The following ZNF418 variants were observed in gnomAD, a reference collection of about 807,000 sequenced individuals.
The protein encoded by ZNF418 is zinc finger protein 418.
A neutral mutation model predicts 32.0 loss-of-function variants in ZNF418; 32 were observed. The observed-to-expected ratio is 1.00, with a 90% CI of 0.75 to 1.34. The LOEUF (loss-of-function observed/expected upper bound fraction) is 1.34. ZNF418 is among the 40% of genes most tolerant of loss of function. The pLI is 0.00. For missense variants in ZNF418, 804 were observed against 812.5 expected, an observed-to-expected ratio of 0.99 and a Z score of 0.13; for synonymous variants, 276 against 270.7, an observed-to-expected ratio of 1.02 and a Z score of -0.19.
At chr19:57,930,877 A>G (rs1209446163) in intron 2 of ZNF418, among the ~76,000 whole-genome samples, 1 of 152,122 alleles carries the variant, frequency 6.6e-6, no homozygotes, top group Non-Finnish European at 1.5e-5. Flanking sequence ...TCCTGGGTTC[A>G]AGCAATTCTC....
chr19:57,923,509 CACATATAT>C lies in ZNF418; in HGVS notation c.*528-228_*528-221del, dbSNP rs1032658978. ...ATACATGTATATACATATATACACA[CACATATAT>C]ACATATATACATATATATACATACA... On this transcript the variant is annotated intron_variant, in intron 4 of 5. Transcript: ENST00000396147. Among the ~76,000 whole-genome samples the C allele has an allele frequency of 3.2e-3, 477 of 149,074 alleles. 5 individuals are homozygous for C. The East Asian group carries it at 0.044, about 14-fold the overall frequency.
chr19:57,923,533 T>TAC (rs1279596410), intron 4 of ZNF418, among the ~76,000 whole-genome samples: 256 of 135,800 alleles, frequency 1.9e-3, no homozygotes, highest in Middle Eastern at 3.8e-3. Context: ...TATACATATA[T>TAC]ATACATACAC....
rs555576994 is a variant in ZNF418 at position 57,925,354 on chromosome 19, G to A, written c.*527+269C>T. Among the ~76,000 whole-genome samples the A allele has an allele frequency of 1.1e-4, 17 of 152,126 alleles. No homozygotes were observed. The South Asian group carries it at 1.7e-3, about 15-fold the overall frequency. On this transcript the variant is annotated intron_variant, in intron 4 of 5. Coordinates refer to ENST00000396147, the MANE Select transcript of ZNF418 (RefSeq NM_133460.3). ...TGGGCACCTGTAGTCCCAGCTACTC[G>A]GGAGGCTGAGGCAGGAGAATGGCGT...
chr19:57,930,517 G>A lies in ZNF418; in HGVS notation c.44C>T (p.Ser15Phe), dbSNP rs2072442106. The A allele has an allele frequency of 6.2e-7, 1 of 1,614,066 alleles. No homozygotes were observed. The highest frequency in any genetic ancestry group is 1.3e-5 in the African/African-American group (1 of 75,006). The change falls in exon 3 of 6, where the codon TCC (serine) becomes TTC (phenylalanine). Residue 15 changes from serine (S) to phenylalanine (F), a missense_variant. By Grantham distance (155) the Ser-to-Phe change is radical. Coordinates refer to ENST00000396147, the MANE Select transcript of ZNF418 (RefSeq NM_133460.3). ...VAFEDVAVNF[S>F]QEEWSLLSEV... ...ACTAAGGAGACTCCACTCCTCCTGG[G>A]AAAAGTTCACAGCCACATCTTCAAA...
chr19:57,933,243 G>A (rs2072551971), intron 2 of ZNF418, among the ~76,000 whole-genome samples: 1 of 152,192 alleles, frequency 6.6e-6, no homozygotes, highest in South Asian at 2.1e-4. Context: ...AAACCTGGTG[G>A]TCATACCTGA....
At chr19:57,928,077 A>G in intron 3 of ZNF418, 30 bp from the exon 4 acceptor site, 2 of 1,510,920 alleles carry the variant, frequency 1.3e-6, no homozygotes, top group South Asian at 2.7e-5. Flanking sequence ...GATGAATTCA[A>G]GTTAACTCTG....
Position 57,933,684 on chromosome 19 carries a change from G to C in ZNF418, c.6+133C>G, listed in dbSNP as rs949748175. 7.7e-6 allele frequency: 9 copies of C among 1,166,730 alleles called. No individual in the cohort carries two copies. In the African/African-American group the frequency reaches 1.4e-4, roughly 18 times the overall value. The allele number at this position is 1,166,730 out of a possible 1,614,324, so 72.3% of individuals were successfully genotyped here. A position where few individuals can be genotyped will look rare whatever the true frequency, so the allele number is the denominator to read the frequency against. On this transcript the variant is annotated intron_variant, in intron 2 of 5. Coordinates refer to ENST00000396147, the MANE Select transcript of ZNF418 (RefSeq NM_133460.3). The stretch of plus-strand genomic sequence containing the variant: ...TGCAATGAGCCAAGATCGTGCCACT[G>C]CACTCCAGCCTGGGCGATAGAGCGA...
chr19:57,922,766 A>C, intron 5 of ZNF418, 137 bp from the exon 6 acceptor site: 1 of 390,240 alleles, frequency 2.6e-6, no homozygotes, highest in Non-Finnish European at 4.5e-6. Context: ...TGAGAGGCCA[A>C]GGTGGGAAGA....
intron 2 of ZNF418, chr19:57,932,436 A>G (rs2123040721): frequency 1.3e-6 from 2 of 1,535,400 alleles, no homozygotes; most frequent in Non-Finnish European, 1.7e-6. Context: ...TTACCACAGA[A>G]TTCTCATGGC....
intron 2 of ZNF418, among the ~76,000 whole-genome samples, chr19:57,931,958 T>C (rs1166456803): frequency 3.3e-5 from 5 of 152,228 alleles, no homozygotes; most frequent in Admixed American, 2.0e-4. Flanking sequence ...GGGGAAACAA[T>C]TGACACCTGA....
chr19:57,933,747 A>G (rs980353675), intron 2 of ZNF418, 70 bp downstream of exon 2: 4 of 1,596,892 alleles, frequency 2.5e-6, no homozygotes, highest in Admixed American at 1.7e-5. Flanking sequence ...TCTAGTTGCC[A>G]TTTTACAAAC....
intron 3 of ZNF418, among the ~76,000 whole-genome samples, chr19:57,929,107 G>A (rs1387365919): frequency 2.0e-5 from 3 of 152,186 alleles, no homozygotes; most frequent in East Asian, 1.9e-4. Flanking sequence ...AAATAAATGG[G>A]TGAGATGTGG....
Position 57,927,913 on chromosome 19 carries a change from T to C in ZNF418, c.268A>G (p.Ile90Val). The C allele has an allele frequency of 6.2e-7, 1 of 1,614,106 alleles. No homozygotes were observed. Among genetic ancestry groups the C allele is most frequent in the South Asian group, 1.1e-5 (1 of 91,076 alleles). Residue 90 changes from isoleucine (I) to valine (V), a missense_variant, in exon 4 of 6, where the codon ATC (isoleucine) becomes GTC (valine). By Grantham distance (29) the Ile-to-Val change is conservative (BLOSUM62 3). Transcript: ENST00000396147. The stretch of plus-strand genomic sequence containing the variant: ...GCCAAGTGCAAAATGTCTCCCAAGA[T>C]CGCGCCACACATTTCACAAGAGTGG... ...KAHSCEMCGA[I>V]LGDILHLADH... is the part of the protein sequence containing the mutation.
Position 57,927,185 on chromosome 19 carries a change from A to C in ZNF418, c.996T>G (p.His332Gln). Reference sequence around the variant, plus strand: ...GTCTTTCTCCAGTGTGAACTCGTTGATGTTTAATGAGAGTACCATTTTGAC... The same window carrying C: ...GTCTTTCTCCAGTGTGAACTCGTTGCTGTTTAATGAGAGTACCATTTTGAC... ...SFSQNGTLIK[H>Q]QRVHTGERPY... Residue 332 changes from histidine to glutamine, a missense_variant, in exon 4 of 6, where the codon CAT (histidine) becomes CAG (glutamine). This residue lies in a region of ZNF418 where 475 missense variants were observed against 458.6 expected (regional missense o/e 1.04). Coordinates refer to ENST00000396147, the MANE Select transcript of ZNF418 (RefSeq NM_133460.3). 6.2e-7 allele frequency: 1 copy of C among 1,614,106 alleles called. No homozygotes were observed. Among genetic ancestry groups the C allele is most frequent in the Non-Finnish European group, 8.5e-7 (1 of 1,180,026 alleles).
Position 57,925,961 on chromosome 19 carries a change from A to T in ZNF418, c.*189T>A. 1.7e-6 allele frequency: 1 copy of T among 580,436 alleles called. No individual in the cohort carries two copies. 36.0% of individuals were successfully genotyped at this position (580,436 alleles called of 1,614,324 possible). On this transcript the variant is annotated 3_prime_UTR_variant, in exon 4 of 6. Coordinates refer to ENST00000396147, the MANE Select transcript of ZNF418 (RefSeq NM_133460.3). ...TCTGTTATCCAATGACAGAAGGCAG[A>T]AGGCTTTCTCACATTCATCGCACTC...
intron 3 of ZNF418, among the ~76,000 whole-genome samples, chr19:57,928,635 G>C (rs560345880): frequency 1.3e-5 from 2 of 152,174 alleles, no homozygotes; most frequent in South Asian, 4.1e-4. Flanking sequence ...TATATAGAAG[G>C]CTATGTCCAG....
At position 57,923,173 on chromosome 19, in the gene ZNF418, T is replaced by G. The variant is rs1410296908; in HGVS notation, c.*625+19A>C. 1 of 151,684 alleles carries G rather than the reference T, an allele frequency of 6.6e-6. No homozygotes were observed. Among genetic ancestry groups the G allele is most frequent in the Non-Finnish European group, 1.5e-5 (1 of 67,990 alleles). 9.4% of individuals were successfully genotyped at this position (151,684 alleles called of 1,614,324 possible). A position where few individuals can be genotyped will look rare whatever the true frequency, so the allele number is the denominator to read the frequency against. ...AAAATTAACCGGGCATGGTGGTGCA[T>G]GCCTGTAATCCCACCTACCCGGGAG... On this transcript the variant is annotated intron_variant, in intron 5 of 5. Transcript: ENST00000396147.
Position 57,923,284 on chromosome 19 carries a change from G to A in ZNF418, c.*533C>T, listed in dbSNP as rs984232662. On this transcript the variant is annotated 3_prime_UTR_variant, in exon 5 of 6. Coordinates refer to ENST00000396147, the MANE Select transcript of ZNF418 (RefSeq NM_133460.3). ...CCACTCCAGCCTGGGCAGACAGACG[G>A]ACATTCTGTCTCAAAAACAAAAAAA... The A allele has an allele frequency of 2.6e-5, 4 of 151,832 alleles. No homozygotes were observed. Among genetic ancestry groups the A allele is most frequent in the African/African-American group, 9.7e-5 (4 of 41,316 alleles). The allele number at this position is 151,832 out of a possible 1,614,324, so 9.4% of individuals were successfully genotyped here.
intron 3 of ZNF418, among the ~76,000 whole-genome samples, chr19:57,929,687 T>C (rs1479936436): frequency 2.9e-5 from 2 of 68,652 alleles, no homozygotes; most frequent in East Asian, 7.8e-4. Context: ...ACAGAATTTC[T>C]TTTTTTTTTT....
Sources: allele counts gnomAD v4.1 joint callset (sites outside exome capture counted in the v4.1 genomes callset), GRCh38; gene constraint gnomAD v4.1.1; regional missense constraint gnomAD v4.1.1; transcripts MANE v1.5; gene names NCBI Gene and HGNC (gene_info 2026-07-23, HGNC 2026-07-21).